Variants in NTRK3 observed in about 807,000 individuals in gnomAD.
NTRK3 encodes neurotrophic receptor tyrosine kinase 3, also known as NT-3 growth factor receptor.
A neutral mutation model predicts 91.7 loss-of-function variants in NTRK3; 24 were observed. The observed-to-expected ratio is 0.26, with a 90% CI of 0.19 to 0.37. The LOEUF is 0.37. NTRK3 is among the 10% of genes least tolerant of loss of function. NTRK3 has a pLI of 1.00. For missense variants in NTRK3, 880 were observed against 1,068.9 expected, an observed-to-expected ratio of 0.82 and a Z score of 2.46; for synonymous variants, 483 against 404.0, an observed-to-expected ratio of 1.20 and a Z score of -2.34.
Position 88,233,929 on chromosome 15 carries a change from G to A in NTRK3, c.248+21977C>T, listed in dbSNP as rs2051445830. Among the ~76,000 whole-genome samples the A allele has an allele frequency of 6.6e-6, 1 of 152,208 alleles. No homozygotes were observed. The highest frequency in any genetic ancestry group is 2.4e-5 in the African/African-American group (1 of 41,446). On this transcript the variant is annotated intron_variant, in intron 3 of 18. Coordinates refer to ENST00000394480, the Ensembl canonical transcript of NTRK3. The surrounding 1 kb of genome is among the most constrained non-coding windows in gnomAD (Gnocchi z 4.2). Reference sequence around the variant, plus strand: ...TGTTGGTAAATGTTGAGTCCCACTAGACATGCGTTGTTTCCTCTTTAATAT... The same window carrying A: ...TGTTGGTAAATGTTGAGTCCCACTAAACATGCGTTGTTTCCTCTTTAATAT...
chr15:88,145,573 C>T (rs542888537), intron 6 of NTRK3, among the ~76,000 whole-genome samples: 4 of 152,276 alleles, frequency 2.6e-5, no homozygotes, highest in East Asian at 1.9e-4. Context: ...TATATATCCA[C>T]GGAACAACTG....
intron 3 of NTRK3, among the ~76,000 whole-genome samples, chr15:88,225,895 C>T (rs764930760): frequency 5.9e-5 from 9 of 152,136 alleles, no homozygotes; most frequent in African/African-American, 1.4e-4. Context: ...AGCAGTCACC[C>T]GCTACCTAGA....
chr15:87,984,386 G>C (rs2074555224), intron 14 of NTRK3, among the ~76,000 whole-genome samples: 1 of 152,232 alleles, frequency 6.6e-6, no homozygotes, highest in South Asian at 2.1e-4. Context: ...CATTCTAATG[G>C]TGCCTGGGCT....
chr15:88,219,801 A>G (rs1441977836), intron 3 of NTRK3, among the ~76,000 whole-genome samples: 1 of 152,210 alleles, frequency 6.6e-6, no homozygotes, highest in Middle Eastern at 3.2e-3. Context: ...TGAGTGCATT[A>G]CATCATCTCT....
At chr15:88,155,198 A>G (rs557044249) in intron 5 of NTRK3, among the ~76,000 whole-genome samples, 37 of 152,340 alleles carry the variant, frequency 2.4e-4, no homozygotes, top group African/African-American at 8.7e-4. Flanking sequence ...CATGGTCCCA[A>G]GGTAATCATA....
intron 14 of NTRK3, among the ~76,000 whole-genome samples, chr15:88,026,608 C>T (rs1392889743): frequency 1.3e-5 from 2 of 152,160 alleles, no homozygotes; most frequent in African/African-American, 2.4e-5. Context: ...CCAACACAAG[C>T]AGTGAACCCT....
chr15:87,956,745 A>G (rs1416188076), intron 14 of NTRK3, among the ~76,000 whole-genome samples: 2 of 125,096 alleles, frequency 1.6e-5, no homozygotes, highest in Non-Finnish European at 3.4e-5. Context: ...TAATTTTTGT[A>G]TTTTTTAGTA....
At chr15:88,116,999 T>G (rs1048587426) in intron 13 of NTRK3, among the ~76,000 whole-genome samples, 2 of 152,208 alleles carry the variant, frequency 1.3e-5, no homozygotes, top group African/African-American at 2.4e-5. Flanking sequence ...CAGTGAAATA[T>G]GCGGACGTCT....
Position 88,241,475 on chromosome 15 carries a change from G to A in NTRK3, c.248+14431C>T, listed in dbSNP as rs142769187. ...AAAATGAACCCTAGATGCAAATCAG[G>A]GAGTCATGAGGTCACTCTCCTGCCA... is the stretch of plus-strand genomic sequence containing the variant. On this transcript the variant is annotated intron_variant, in intron 3 of 18. Coordinates refer to ENST00000394480, the Ensembl canonical transcript of NTRK3. The surrounding 1 kb of genome is among the most constrained non-coding windows in gnomAD (Gnocchi z 4.3). Among the ~76,000 whole-genome samples, 2 of 152,212 alleles carry A rather than the reference G, an allele frequency of 1.3e-5. No homozygotes were observed. Among genetic ancestry groups the A allele is most frequent in the Admixed American group, 6.5e-5 (1 of 15,292 alleles).
At chr15:88,057,496 T>C (rs1368106799) in intron 13 of NTRK3, among the ~76,000 whole-genome samples, 2 of 130,576 alleles carry the variant, frequency 1.5e-5, no homozygotes, top group Non-Finnish European at 3.5e-5. Context: ...AGACTCCCTC[T>C]AAAAAGAAAA....
At chr15:87,934,848 A>G (rs1204893088) in intron 15 of NTRK3, among the ~76,000 whole-genome samples, 3 of 152,328 alleles carry the variant, frequency 2.0e-5, no homozygotes, top group African/African-American at 7.2e-5. Context: ...AAGGTCATCA[A>G]GTGGAGGTGT....
chr15:88,040,492 G>A (rs185534614), intron 13 of NTRK3, among the ~76,000 whole-genome samples: 30 of 152,138 alleles, frequency 2.0e-4, no homozygotes, highest in South Asian at 8.3e-4. Context: ...GGCCTCCCAG[G>A]GAATACACTG....
At chr15:87,974,839 G>A (rs2073577109) in intron 14 of NTRK3, among the ~76,000 whole-genome samples, 1 of 152,154 alleles carries the variant, frequency 6.6e-6, no homozygotes, top group Admixed American at 6.5e-5. Context: ...GCTCATCCCT[G>A]AAGACCCCTG....
chr15:88,235,302 C>CA lies in NTRK3; in HGVS notation c.248+20603dup, dbSNP rs561083657. On this transcript the variant is annotated intron_variant, in intron 3 of 18. Coordinates refer to ENST00000394480, the Ensembl canonical transcript of NTRK3. This position sits in a 1 kb window ranked among gnomAD's most constrained non-coding sequence, Gnocchi z 5.2. The stretch of plus-strand genomic sequence containing the variant: ...CCTGTGTCGCTGTCTACCCTACCCA[C>CA]AATAGCCTCCAGGCTCTGAGCTGGC... Among the ~76,000 whole-genome samples the CA allele has an allele frequency of 1.3e-4, 20 of 152,354 alleles. No homozygotes were observed. The highest frequency in any genetic ancestry group is 4.3e-4 in the African/African-American group (18 of 41,582).
At chr15:88,089,655 C>G (rs8036369) in intron 13 of NTRK3, among the ~76,000 whole-genome samples, 94,325 of 152,056 alleles carry the variant, frequency 0.62, 30,744 homozygotes, top group African/African-American at 0.83. Flanking sequence ...GCTCCCCTTG[C>G]ATGGACACAG....
chr15:88,004,114 C>T (rs1423685917), intron 14 of NTRK3, among the ~76,000 whole-genome samples: 1 of 152,096 alleles, frequency 6.6e-6, no homozygotes, highest in African/African-American at 2.4e-5. Context: ...TCTTGTCTTT[C>T]AGCACCTGTG....
At chr15:88,068,447 A>G (rs2046838733) in intron 13 of NTRK3, among the ~76,000 whole-genome samples, 1 of 152,104 alleles carries the variant, frequency 6.6e-6, no homozygotes, top group Non-Finnish European at 1.5e-5. Flanking sequence ...ACAAAACAAA[A>G]CAAAACAAAA....
At chr15:88,140,092 C>T (rs2042250058) in intron 6 of NTRK3, among the ~76,000 whole-genome samples, 1 of 152,134 alleles carries the variant, frequency 6.6e-6, no homozygotes, top group Admixed American at 6.5e-5. Flanking sequence ...TAAGAGAGGA[C>T]TTTTACTGCC....
chr15:88,213,181 C>T (rs1462253212), intron 3 of NTRK3, among the ~76,000 whole-genome samples: 2 of 152,166 alleles, frequency 1.3e-5, no homozygotes, highest in Non-Finnish European at 2.9e-5. Context: ...TTCCTGTCAT[C>T]CTTAGGCAGC....
Sources: gnomAD v4.1 joint callset for allele counts (sites outside exome capture counted in the v4.1 genomes callset) on GRCh38, gnomAD v4.1.1 for gene constraint, Gnocchi (gnomAD v3.1) non-coding constraint, MANE v1.5 for transcripts, NCBI Gene and HGNC (gene_info 2026-07-23, HGNC 2026-07-21) for gene names.